Variants in DNAH6 observed in about 807,000 individuals in gnomAD.
DNAH6 encodes the protein axonemal beta dynein heavy chain 6.
In DNAH6, 340 loss-of-function variants were observed where a neutral mutation model predicts 491.4. The observed-to-expected ratio is 0.69, with a 90% CI of 0.63 to 0.76. DNAH6 has a LOEUF of 0.76. Ranked by LOEUF, DNAH6 falls within the 30% of genes least tolerant of loss-of-function variation. The probability of loss-of-function intolerance (pLI) is 0.00; values close to 1 mark genes in which losing one functional copy is unlikely to be tolerated. For synonymous variants in DNAH6, 1,603 were observed against 1,686.1 expected, an observed-to-expected ratio of 0.95 and a Z score of 1.21; for missense variants, 4,443 against 4,972.2, an observed-to-expected ratio of 0.89 and a Z score of 3.20.
intron 64 of DNAH6, among the ~76,000 whole-genome samples, chr2:84,779,050 A>T (rs1362526465): frequency 6.6e-6 from 1 of 152,076 alleles, no homozygotes; most frequent in Non-Finnish European, 1.5e-5. Flanking sequence ...CAAATCTATT[A>T]TGGTTGAGCA....
chr2:84,648,618 G>A (rs1690121505), intron 33 of DNAH6, among the ~76,000 whole-genome samples: 1 of 152,188 alleles, frequency 6.6e-6, no homozygotes, highest in Non-Finnish European at 1.5e-5. Context: ...GGTAGAAATA[G>A]CAAAAGAACT....
At chr2:84,569,295 T>C (rs903769501) in intron 11 of DNAH6, among the ~76,000 whole-genome samples, 11 of 151,992 alleles carry the variant, frequency 7.2e-5, no homozygotes, top group African/African-American at 2.7e-4. Context: ...ATCTATAGTA[T>C]ACTATAGATA....
intron 21 of DNAH6, among the ~76,000 whole-genome samples, chr2:84,611,213 A>C (rs73943312): frequency 8.3e-6 from 1 of 120,590 alleles, no homozygotes; most frequent in Non-Finnish European, 1.7e-5. Context: ...ACATATGCTG[A>C]CATGAGCAGG....
chr2:84,551,063 ATACC>A (rs892621455), intron 9 of DNAH6, among the ~76,000 whole-genome samples: 1 of 152,162 alleles, frequency 6.6e-6, no homozygotes, highest in Non-Finnish European at 1.5e-5. Context: ...TCTTTCCAGA[ATACC>A]TACATGCTCA....
chr2:84,795,942 C>T (rs1425924667), intron 68 of DNAH6, among the ~76,000 whole-genome samples: 1 of 152,142 alleles, frequency 6.6e-6, no homozygotes, highest in African/African-American at 2.4e-5. Context: ...GAAAGAAGCA[C>T]TGTTTGATGG....
At chr2:84,678,221 C>T (rs2104710959) in intron 41 of DNAH6, among the ~76,000 whole-genome samples, 1 of 152,274 alleles carries the variant, frequency 6.6e-6, no homozygotes, top group South Asian at 2.1e-4. Context: ...AAAACTGCCA[C>T]ATTTTGAAAA....
rs148940070 is a variant in DNAH6 at position 84,655,112 on chromosome 2, T to C, written c.5757+330T>C. Among the ~76,000 whole-genome samples the C allele has an allele frequency of 4.3e-3, 654 of 152,186 alleles. 2 individuals are homozygous for C. Among genetic ancestry groups the C allele is most frequent in the South Asian group, 7.5e-3 (36 of 4,824 alleles). On this transcript the variant is annotated intron_variant, in intron 35 of 76. Transcript: ENST00000389394. ...TACAACAGCCTGAGGCATTGAGACT[T>C]CGCAGAAAGCTTGGGAGTAATAAAA...
the DNAH6 span, among the ~76,000 whole-genome samples, chr2:84,468,933 G>GT: frequency 6.6e-6 from 1 of 152,082 alleles, no homozygotes; most frequent in African/African-American, 2.4e-5. Context: ...ACTTCATCCG[G>GT]TTTTTTTGTT....
chr2:84,545,256 TTCAAGG>T (rs1421804683), intron 5 of DNAH6, among the ~76,000 whole-genome samples: 5 of 152,258 alleles, frequency 3.3e-5, no homozygotes, highest in Admixed American at 3.3e-4. Context: ...TAGGGAAACA[TTCAAGG>T]TCTCTGGCTA....
At position 84,673,744 on chromosome 2, in the gene DNAH6, C is replaced by T. The variant is rs143727772; in HGVS notation, c.6612+1260C>T. ...GGAAGATGTAGTCTGGAAGGCTAGG[C>T]CACTCTCTTTTCACACTTTTCTGCC... is the stretch of plus-strand genomic sequence containing the variant. On this transcript the variant is annotated intron_variant, in intron 40 of 76. Coordinates refer to ENST00000389394, the MANE Select transcript of DNAH6 (RefSeq NM_001370.2). Among the ~76,000 whole-genome samples the T allele has an allele frequency of 2.7e-3, 407 of 152,256 alleles. 2 individuals are homozygous for T. The highest frequency in any genetic ancestry group is 4.4e-3 in the Non-Finnish European group (300 of 68,002).
intron 62 of DNAH6, among the ~76,000 whole-genome samples, chr2:84,737,277 G>T (rs1432469713): frequency 2.0e-5 from 3 of 151,940 alleles, no homozygotes; most frequent in African/African-American, 7.2e-5. Context: ...AGGGATATTG[G>T]CCTTTGTTTT....
Position 84,727,898 on chromosome 2 carries a change from A to G in DNAH6, c.10202A>G (p.Glu3401Gly). ...TTTCTCCGAGGTTCTGCAGGATTGG[A>G]AAAGGTACCTGATTCCCATTTAGGT... is the stretch of plus-strand genomic sequence containing the variant. ...NFFLRGSAGL[E>G]KERPPKPEAP... is the part of the protein sequence containing the mutation. The change falls in exon 61 of 77, where the codon GAA becomes GGA. Residue 3401 changes from glutamate to glycine, a missense_variant. Coordinates refer to ENST00000389394, the MANE Select transcript of DNAH6 (RefSeq NM_001370.2). 6.5e-7 allele frequency: 1 copy of G among 1,540,568 alleles called. No homozygotes were observed. The highest frequency in any genetic ancestry group is 8.8e-7 in the Non-Finnish European group (1 of 1,136,620).
In DNAH6 at chr2:84,745,255, G is replaced by A. The variant is rs1016086995; in HGVS notation, c.10512+6G>A. On this transcript the variant is annotated splice_donor_region_variant and intron_variant, in intron 63 of 76. Transcript: ENST00000389394. ...AATGTTGTAAAGAAGAAAAGGTAGG[G>A]CATTTTTTTAATTAAAGGACTGTGT... The A allele has an allele frequency of 6.1e-6, 9 of 1,464,968 alleles. No homozygotes were observed. The Admixed American group carries it at 8.2e-5, about 13-fold the overall frequency. 90.7% of individuals were successfully genotyped at this position (1,464,968 alleles called of 1,614,324 possible). A position where few individuals can be genotyped will look rare whatever the true frequency, so the allele number is the denominator to read the frequency against.
At chr2:84,691,273 T>C (rs540103291) in intron 45 of DNAH6, among the ~76,000 whole-genome samples, 20 of 152,328 alleles carry the variant, frequency 1.3e-4, no homozygotes, top group African/African-American at 4.3e-4. Flanking sequence ...TAAATAATAA[T>C]GTACATGAAA....
At chr2:84,545,102 A>G (rs993101115) in intron 5 of DNAH6, among the ~76,000 whole-genome samples, 1 of 152,138 alleles carries the variant, frequency 6.6e-6, no homozygotes, top group Admixed American at 6.6e-5. Context: ...ATAAACTGCA[A>G]TCATCATTAC....
intron 19 of DNAH6, 116 bp downstream of exon 19, chr2:84,604,667 T>A: frequency 1.4e-6 from 1 of 732,888 alleles, no homozygotes; most frequent in Non-Finnish European, 2.2e-6. Flanking sequence ...TCTCTCATTA[T>A]CAGTCATCCC....
chr2:84,694,257 G>T lies in DNAH6; in HGVS notation c.7301G>T (p.Arg2434Leu). 1 of 1,551,836 alleles carries T rather than the reference G, an allele frequency of 6.4e-7. No individual in the cohort carries two copies. Among genetic ancestry groups the T allele is most frequent in the South Asian group, 1.2e-5 (1 of 84,058 alleles). Residue 2434 changes from arginine (R) to leucine (L), a missense_variant, in exon 46 of 77, where the codon CGG becomes CTG. Physicochemically the swap from Arg to Leu is moderately radical, Grantham distance 102. Coordinates refer to ENST00000389394, the MANE Select transcript of DNAH6 (RefSeq NM_001370.2). ...TGCTCTGATGTTTGCAGGATTGCTC[G>T]GATGATACGTCAAGAAAGAGGCAAT... ...DAIEHVSRIA[R>L]MIRQERGNAL...
At chr2:84,594,627 T>C (rs1429958923) in intron 17 of DNAH6, among the ~76,000 whole-genome samples, 1 of 152,190 alleles carries the variant, frequency 6.6e-6, no homozygotes, top group Non-Finnish European at 1.5e-5. Flanking sequence ...AAAGGTCAAC[T>C]CTCTACAAGG....
chr2:84,725,588 C>T (rs895070627), intron 60 of DNAH6, among the ~76,000 whole-genome samples: 2 of 152,152 alleles, frequency 1.3e-5, no homozygotes, highest in Non-Finnish European at 2.9e-5. Flanking sequence ...GGAATTTATG[C>T]TCTTCAAGTT....
Sources: allele counts gnomAD v4.1 joint callset (sites outside exome capture counted in the v4.1 genomes callset), GRCh38; gene constraint gnomAD v4.1.1; transcripts MANE v1.5; gene names NCBI Gene and HGNC (gene_info 2026-07-23, HGNC 2026-07-21).